The following MARK1 variants were observed in gnomAD, a reference collection of about 807,000 sequenced individuals.
The protein encoded by MARK1 is microtubule affinity regulating kinase 1.
Under a neutral mutation model 96.3 loss-of-function variants are expected in MARK1, and 40 were observed. That is an observed-to-expected ratio of 0.42 (90% CI 0.32 to 0.54). The LOEUF is 0.54. MARK1 is among the 20% of genes least tolerant of loss of function. The pLI is 0.16. For missense variants in MARK1, 719 were observed against 984.6 expected (o/e 0.73, Z 3.61); for synonymous variants, 317 against 341.2 (o/e 0.93, Z 0.78).
At position 220,618,305 on chromosome 1, in the gene MARK1, C is replaced by A. The variant is rs371085619; in HGVS notation, c.553-5C>A. ...ACATTGTTCTTTCTATTATTTTCCT[C>A]TTAGGCTGAAAACCTTCTCCTTGAT... On this transcript the variant is annotated splice_region_variant and splice_polypyrimidine_tract_variant and intron_variant, in intron 7 of 17. Coordinates refer to ENST00000366917, the MANE Select transcript of MARK1 (RefSeq NM_018650.5). This position sits in a 1 kb window ranked among gnomAD's most constrained non-coding sequence, Gnocchi z 4.6. The A allele has an allele frequency of 8.1e-5, 126 of 1,552,022 alleles. No homozygotes were observed. The highest frequency in any genetic ancestry group is 1.1e-4 in the Non-Finnish European group (120 of 1,124,026).
intron 1 of MARK1, among the ~76,000 whole-genome samples, chr1:220,560,873 T>G (rs1244216677): frequency 2.0e-5 from 3 of 152,130 alleles, no homozygotes; most frequent in Non-Finnish European, 4.4e-5. Flanking sequence ...GACTGTCAGG[T>G]GATGTTGAGT....
In MARK1 at chr1:220,591,487, GT is replaced by G. The variant is rs147930412; in HGVS notation, c.310-6842del. Among the ~76,000 whole-genome samples, 912 of 152,286 alleles carry G rather than the reference GT, an allele frequency of 6.0e-3. 5 individuals carry two copies. The highest frequency in any genetic ancestry group is 0.019 in the South Asian group (93 of 4,830). ...TGTCAAGACAAGAGAAAGAAGAGGA[GT>G]TAGAACCCAGAAACCAGCATGGCTT... On this transcript the variant is annotated intron_variant, in intron 3 of 17. Transcript: ENST00000366917.
In MARK1 at chr1:220,638,495, CTGT is replaced by C. The variant is rs1408655240; in HGVS notation, c.1470+2474_1470+2476del. Among the ~76,000 whole-genome samples, 13 of 152,236 alleles carry C rather than the reference CTGT, an allele frequency of 8.5e-5. No homozygotes were observed. In the East Asian group the frequency reaches 2.5e-3, roughly 29 times the overall value. ...TTTATATGCTGTCTTGTTTCATTCA[CTGT>C]TGTTTTCCCATGTAAACCTTATCTC... On this transcript the variant is annotated intron_variant, in intron 13 of 17. Coordinates refer to ENST00000366917, the MANE Select transcript of MARK1 (RefSeq NM_018650.5).
At chr1:220,612,242 T>A (rs1312668554) in intron 6 of MARK1, among the ~76,000 whole-genome samples, 7 of 152,230 alleles carry the variant, frequency 4.6e-5, no homozygotes, top group Non-Finnish European at 1.0e-4. Context: ...CTATATGGAA[T>A]TAGAGAAGTT....
intron 2 of MARK1, 64 bp downstream of exon 2, chr1:220,579,621 T>C: frequency 2.3e-6 from 3 of 1,315,788 alleles, no homozygotes; most frequent in Non-Finnish European, 3.3e-6. Context: ...TAAAGCTTCC[T>C]TATAGCCCAT....
chr1:220,558,179 A>AATG (rs1662418293), intron 1 of MARK1, among the ~76,000 whole-genome samples: 2 of 144,982 alleles, frequency 1.4e-5, no homozygotes, highest in Non-Finnish European at 3.0e-5. Flanking sequence ...TAATAATAAT[A>AATG]TGGGAAATGG....
chr1:220,595,094 T>G (rs1268704902), intron 3 of MARK1, among the ~76,000 whole-genome samples: 1 of 152,186 alleles, frequency 6.6e-6, no homozygotes, highest in Non-Finnish European at 1.5e-5. Flanking sequence ...GCTCTGCATA[T>G]GTGGGGACAG....
At chr1:220,661,347 T>C (rs1669472183) in intron 17 of MARK1, among the ~76,000 whole-genome samples, 1 of 152,174 alleles carries the variant, frequency 6.6e-6, no homozygotes, top group Non-Finnish European at 1.5e-5. Flanking sequence ...ACATTCTTTC[T>C]CAACCTTACC....
At chr1:220,567,440 G>T (rs1663134699) in intron 1 of MARK1, among the ~76,000 whole-genome samples, 1 of 152,104 alleles carries the variant, frequency 6.6e-6, no homozygotes, top group African/African-American at 2.4e-5. Context: ...TTACCTATGA[G>T]GGATGGAAAA....
chr1:220,531,389 C>A (rs1043090285), intron 1 of MARK1, among the ~76,000 whole-genome samples: 1 of 152,106 alleles, frequency 6.6e-6, no homozygotes, highest in African/African-American at 2.4e-5. Context: ...AGGACACTAA[C>A]TAAAAACATT....
At chr1:220,589,456 T>C (rs1664846489) in intron 3 of MARK1, among the ~76,000 whole-genome samples, 1 of 152,184 alleles carries the variant, frequency 6.6e-6, no homozygotes, top group Non-Finnish European at 1.5e-5. Context: ...AACCCTGACC[T>C]AAGCTCTAGC....
At chr1:220,641,430 G>T (rs1668262597) in intron 13 of MARK1, among the ~76,000 whole-genome samples, 1 of 152,066 alleles carries the variant, frequency 6.6e-6, no homozygotes, top group Non-Finnish European at 1.5e-5. Context: ...TAGGAAGCGG[G>T]CCTTCACATG....
chr1:220,562,099 T>C (rs542170791), intron 1 of MARK1, among the ~76,000 whole-genome samples: 2 of 152,292 alleles, frequency 1.3e-5, no homozygotes, highest in South Asian at 4.1e-4. Flanking sequence ...GTTGGAAATA[T>C]TTTGGAAACC....
intron 13 of MARK1, among the ~76,000 whole-genome samples, chr1:220,647,026 AT>A (rs1283811964): frequency 1.2e-4 from 18 of 152,362 alleles, no homozygotes; most frequent in African/African-American, 4.3e-4. Context: ...GCCAAAAGGA[AT>A]TGCAACAAAA....
At chr1:220,628,861 C>T (rs1667503264) in intron 9 of MARK1, among the ~76,000 whole-genome samples, 1 of 150,424 alleles carries the variant, frequency 6.6e-6, no homozygotes, top group African/African-American at 2.5e-5. Flanking sequence ...CCGAGGCAAG[C>T]AGATAACTTG....
At chr1:220,558,255 C>T (rs1356047502) in intron 1 of MARK1, among the ~76,000 whole-genome samples, 2 of 150,634 alleles carry the variant, frequency 1.3e-5, no homozygotes, top group Non-Finnish European at 3.0e-5. Flanking sequence ...TGGAAATGGA[C>T]TATTTTATTA....
At chr1:220,593,857 G>A (rs1020549657) in intron 3 of MARK1, among the ~76,000 whole-genome samples, 2 of 152,148 alleles carry the variant, frequency 1.3e-5, no homozygotes, top group Non-Finnish European at 1.5e-5. Context: ...TCCTTTCTGT[G>A]TCAGAGTGAG....
At position 220,652,649 on chromosome 1, in the gene MARK1, C is replaced by T. The variant is rs779570463; in HGVS notation, c.1737-452C>T. On this transcript the variant is annotated intron_variant, in intron 15 of 17. Coordinates refer to ENST00000366917, the MANE Select transcript of MARK1 (RefSeq NM_018650.5). Reference sequence around the variant, plus strand: ...ATTTTAAGATTTCCCAAATTCAGTACATCTGAACATTTTAACCCTCTGTTA... The same window carrying T: ...ATTTTAAGATTTCCCAAATTCAGTATATCTGAACATTTTAACCCTCTGTTA... 5.9e-5 allele frequency among the ~76,000 whole-genome samples: 9 copies of T among 152,278 alleles called. No homozygotes were observed. In the South Asian group the frequency reaches 1.7e-3, roughly 28 times the overall value.
At chr1:220,547,540 G>C (rs1305056288) in intron 1 of MARK1, among the ~76,000 whole-genome samples, 1 of 152,056 alleles carries the variant, frequency 6.6e-6, no homozygotes, top group East Asian at 1.9e-4. Context: ...TATGTACTTT[G>C]TGACAGTAGT....
Sources: allele counts gnomAD v4.1 joint callset (sites outside exome capture counted in the v4.1 genomes callset), GRCh38; gene constraint gnomAD v4.1.1; non-coding constraint Gnocchi (gnomAD v3.1); transcripts MANE v1.5; gene names NCBI Gene and HGNC (gene_info 2026-07-23, HGNC 2026-07-21).